The following STS variants were observed in gnomAD, a reference collection of about 807,000 sequenced individuals.
STS encodes the protein steroid sulfatase, also known as steryl-sulfatase.
STS carries 7 observed loss-of-function variants against 26.8 expected under a neutral mutation model. That is an observed-to-expected ratio of 0.26 (90% CI 0.15 to 0.49). The LOEUF (loss-of-function observed/expected upper bound fraction) is 0.49, where lower values mean the gene tolerates loss of function less well. Ranked by LOEUF, STS falls within the 20% of genes least tolerant of loss-of-function variation. The probability of loss-of-function intolerance (pLI) is 0.98; values close to 1 mark genes in which losing one functional copy is unlikely to be tolerated. For synonymous variants in STS, 199 were observed against 189.4 expected, an observed-to-expected ratio of 1.05 and a Z score of -0.42; for missense variants, 434 against 465.6, an observed-to-expected ratio of 0.93 and a Z score of 0.63.
chrX:7,314,516 G>A (rs1379552476), intron 8 of STS, among the ~76,000 whole-genome samples: 2 of 112,728 alleles, frequency 1.8e-5, no homozygotes, highest in African/African-American at 3.2e-5. Context: ...GGGCCATTTG[G>A]AATGATTGGG....
rs537339744 is a variant in STS at position 7,331,327 on chromosome X, C to T, written c.1242-2659C>T. Among the ~76,000 whole-genome samples, 26 of 111,207 alleles carry T rather than the reference C, an allele frequency of 2.3e-4. 1 individual carries two copies. Among genetic ancestry groups the T allele is most frequent in the Admixed American group, 1.9e-3 (20 of 10,504 alleles). Reference sequence around the variant, plus strand: ...TACCTTGCAAACAACCTGTTAATAGCGCTACCATCATTGTCAGTCAGGAAC... The same window carrying T: ...TACCTTGCAAACAACCTGTTAATAGTGCTACCATCATTGTCAGTCAGGAAC... On this transcript the variant is annotated intron_variant, in intron 9 of 10. Coordinates refer to ENST00000674429, the MANE Select transcript of STS (RefSeq NM_001320752.2).
At chrX:7,189,294 G>A (rs974670705) in intron 1 of STS, among the ~76,000 whole-genome samples, 1 of 111,557 alleles carries the variant, frequency 9.0e-6, no homozygotes, top group African/African-American at 3.3e-5. Context: ...TCTTCAATAG[G>A]TTCAAAGCTA....
chrX:7,338,771 A>G (rs1928148628), intron 10 of STS, among the ~76,000 whole-genome samples: 1 of 112,408 alleles, frequency 8.9e-6, no homozygotes, highest in Non-Finnish European at 1.9e-5. Flanking sequence ...GAAATATACA[A>G]TCAATTAATG....
At chrX:7,174,763 A>G (rs986605127) in intron 1 of STS, among the ~76,000 whole-genome samples, 8 of 111,698 alleles carry the variant, frequency 7.2e-5, no homozygotes, top group African/African-American at 2.3e-4. Context: ...AACTCTGAAC[A>G]AACAAGCAAA....
chrX:7,324,547 A>G (rs1467135864), intron 8 of STS, among the ~76,000 whole-genome samples: 2 of 111,572 alleles, frequency 1.8e-5, no homozygotes, highest in Non-Finnish European at 3.8e-5. Flanking sequence ...AAACTACTTC[A>G]ATTTCTATCA....
chrX:7,240,733 C>T (rs903895915), intron 2 of STS, among the ~76,000 whole-genome samples: 7 of 108,552 alleles, frequency 6.4e-5, no homozygotes, highest in Non-Finnish European at 3.8e-5. Flanking sequence ...ATTACCAGCT[C>T]ATGTTGATTG....
intron 2 of STS, among the ~76,000 whole-genome samples, chrX:7,218,306 A>T (rs1424234957): frequency 8.9e-6 from 1 of 112,607 alleles, no homozygotes; most frequent in African/African-American, 3.2e-5. Context: ...ATGCAATCAG[A>T]TTCCTGAGAG....
At chrX:7,338,028 A>G (rs1928114531) in intron 10 of STS, among the ~76,000 whole-genome samples, 1 of 112,183 alleles carries the variant, frequency 8.9e-6, no homozygotes, top group South Asian at 3.7e-4. Context: ...AGTAAATTGA[A>G]TGACATAATT....
intron 9 of STS, among the ~76,000 whole-genome samples, chrX:7,325,935 C>G: frequency 8.9e-6 from 1 of 112,104 alleles, no homozygotes; most frequent in Middle Eastern, 4.6e-3. Flanking sequence ...GACCTACAGT[C>G]AAACAAAGTA....
chrX:7,294,212 C>G (rs1925557748), intron 7 of STS, among the ~76,000 whole-genome samples: 1 of 110,937 alleles, frequency 9.0e-6, no homozygotes, highest in Admixed American at 9.6e-5. Flanking sequence ...GAGCCTGAAA[C>G]TAATATTATC....
chrX:7,207,170 A>G (rs1363413885), intron 2 of STS, among the ~76,000 whole-genome samples: 1 of 111,868 alleles, frequency 8.9e-6, no homozygotes, highest in East Asian at 2.8e-4. Flanking sequence ...AGCCTGGGCA[A>G]CTGAGTGGCA....
In STS at chrX:7,147,815, C is replaced by A; in HGVS notation, c.-402C>A. ...GCGGGCCGCCGACCGGAAGCGGGTG[C>A]TGGGGCCGCGTAGACGCCGCGGCCA... On this transcript the variant is annotated 5_prime_UTR_variant, in exon 1 of 11. The change creates a new upstream start codon in the 5' untranslated region. Coordinates refer to ENST00000674429, the MANE Select transcript of STS (RefSeq NM_001320752.2). 1 of 128,142 alleles carries A rather than the reference C, an allele frequency of 7.8e-6. No individual in the cohort carries two copies. The allele number at this position is 128,142 out of a possible 1,213,427, so 10.6% of individuals were successfully genotyped here. A position where few individuals can be genotyped will look rare whatever the true frequency, so the allele number is the denominator to read the frequency against.
chrX:7,294,729 C>A (rs891231875), intron 7 of STS, among the ~76,000 whole-genome samples: 1 of 111,799 alleles, frequency 8.9e-6, no homozygotes, highest in Non-Finnish European at 1.9e-5. Flanking sequence ...GATTGCCCAA[C>A]AGCCACTACA....
chrX:7,172,766 G>T (rs1933491970), intron 1 of STS, among the ~76,000 whole-genome samples: 1 of 111,425 alleles, frequency 9.0e-6, no homozygotes, highest in Admixed American at 9.6e-5. Flanking sequence ...CACCAGGCCT[G>T]GTCCAGACGG....
chrX:7,330,772 C>T (rs1435041249), intron 9 of STS, among the ~76,000 whole-genome samples: 2 of 112,159 alleles, frequency 1.8e-5, no homozygotes, highest in African/African-American at 6.5e-5. Flanking sequence ...TGTGTGTAAC[C>T]ACTTATACTG....
intron 6 of STS, among the ~76,000 whole-genome samples, chrX:7,275,725 A>G (rs1367596521): frequency 2.7e-5 from 3 of 111,179 alleles, no homozygotes; most frequent in Non-Finnish European, 5.7e-5. Flanking sequence ...ATAATTCTTC[A>G]CTTACTGATC....
chrX:7,268,109 G>C (rs1453878275), intron 6 of STS, among the ~76,000 whole-genome samples: 1 of 110,735 alleles, frequency 9.0e-6, no homozygotes, highest in African/African-American at 3.3e-5. Flanking sequence ...CAAGGGGTGG[G>C]GGGGAAACAC....
chrX:7,217,950 AAC>A (rs1389608348), intron 2 of STS, among the ~76,000 whole-genome samples: 2 of 111,963 alleles, frequency 1.8e-5, no homozygotes, highest in African/African-American at 6.5e-5. Context: ...CACAAATTAA[AAC>A]ATTTTGTGAG....
chrX:7,309,269 T>C (rs1420096225), intron 8 of STS, among the ~76,000 whole-genome samples: 2 of 111,585 alleles, frequency 1.8e-5, no homozygotes, highest in Non-Finnish European at 3.8e-5. Context: ...GCTATTATCC[T>C]TCGCAAACTA....
Sources: gnomAD v4.1 joint callset for allele counts (sites outside exome capture counted in the v4.1 genomes callset) on GRCh38, gnomAD v4.1.1 for gene constraint, MANE v1.5 for transcripts, NCBI Gene and HGNC (gene_info 2026-07-23, HGNC 2026-07-21) for gene names.